SWT1: variants seen among roughly 807,000 people sequenced by gnomAD.
The protein encoded by SWT1 is transcriptional protein SWT1.
In SWT1, 33 loss-of-function variants were observed where a neutral mutation model predicts 107.3. That is an observed-to-expected ratio of 0.31 (90% confidence interval 0.23 to 0.41). SWT1 has a LOEUF of 0.41. Ranked by LOEUF, SWT1 falls within the 10% of genes least tolerant of loss-of-function variation. SWT1 has a pLI of 1.00. For synonymous variants in SWT1, 345 were observed against 348.3 expected (o/e 0.99, Z 0.11); for missense variants, 898 against 1,028.9 (o/e 0.87, Z 1.74).
chr1:185,209,236 T>C (rs1658575372), intron 13 of SWT1, among the ~76,000 whole-genome samples: 1 of 152,038 alleles, frequency 6.6e-6, no homozygotes, highest in African/African-American at 2.4e-5. Context: ...ATTTATTTAT[T>C]TATTATTATA....
intron 15 of SWT1, among the ~76,000 whole-genome samples, chr1:185,230,795 T>G (rs958464492): frequency 2.0e-5 from 3 of 152,130 alleles, no homozygotes; most frequent in Non-Finnish European, 2.9e-5. Flanking sequence ...TTGCCCAGGC[T>G]GGAATGCAGT....
At chr1:185,223,032 A>G (rs1460052435) in intron 15 of SWT1, among the ~76,000 whole-genome samples, 3 of 152,152 alleles carry the variant, frequency 2.0e-5, no homozygotes, top group Non-Finnish European at 4.4e-5. Flanking sequence ...CATCTCTTTG[A>G]CATACTCATT....
intron 15 of SWT1, among the ~76,000 whole-genome samples, chr1:185,227,983 C>T (rs2102554342): frequency 1.3e-5 from 2 of 151,614 alleles, no homozygotes; most frequent in Middle Eastern, 6.8e-3. Context: ...CCCAGCTACT[C>T]AGGAGGCTGA....
At chr1:185,159,646 G>A (rs1653966372) in intron 1 of SWT1, among the ~76,000 whole-genome samples, 2 of 152,108 alleles carry the variant, frequency 1.3e-5, no homozygotes, top group Admixed American at 6.5e-5. Context: ...ATACAAGCAA[G>A]TATGTATGTA....
chr1:185,169,978 A>T (rs1219145751), intron 4 of SWT1, among the ~76,000 whole-genome samples: 2 of 152,182 alleles, frequency 1.3e-5, no homozygotes, highest in Admixed American at 6.5e-5. Context: ...GAGAAGAAAT[A>T]TGCAAGCAAT....
chr1:185,174,651 A>G lies in SWT1; in HGVS notation c.504A>G (p.Ala168=). Residue 168 remains alanine, a synonymous_variant, in exon 5 of 19, where the codon GCA becomes GCG. Transcript: ENST00000367500. ...SDVKPKAEGQ[A]SENKWSHLLV... ...TGAAACCTAAAGCCGAAGGCCAGGCAAGTGAAAATAAATGGTCTCATTTAC... is the reference window on the plus strand; with the variant it reads ...TGAAACCTAAAGCCGAAGGCCAGGCGAGTGAAAATAAATGGTCTCATTTAC... 6.2e-7 allele frequency: 1 copy of G among 1,613,786 alleles called. No homozygotes were observed. Among genetic ancestry groups the G allele is most frequent in the Middle Eastern group, 1.7e-4 (1 of 6,058 alleles).
intron 16 of SWT1, among the ~76,000 whole-genome samples, chr1:185,243,005 G>A (rs1365104817): frequency 6.6e-6 from 1 of 152,150 alleles, no homozygotes; most frequent in Non-Finnish European, 1.5e-5. Context: ...GTAAGTATAT[G>A]GGATAAAGCC....
chr1:185,244,408 G>A (rs1220076752), intron 16 of SWT1, among the ~76,000 whole-genome samples: 2 of 152,104 alleles, frequency 1.3e-5, no homozygotes, highest in African/African-American at 4.8e-5. Flanking sequence ...ACTACAGGGA[G>A]TTGTAACACA....
At chr1:185,275,696 A>G (rs1415813485) in intron 17 of SWT1, among the ~76,000 whole-genome samples, 2 of 151,996 alleles carry the variant, frequency 1.3e-5, no homozygotes, top group African/African-American at 2.4e-5. Flanking sequence ...AAAAAACTGT[A>G]TATTTTTAAA....
At chr1:185,258,185 G>T (rs762440785) in intron 16 of SWT1, among the ~76,000 whole-genome samples, 78 of 151,954 alleles carry the variant, frequency 5.1e-4, no homozygotes, top group Non-Finnish European at 8.8e-4. Flanking sequence ...CGTAATAAAT[G>T]TGTACTTGAT....
intron 6 of SWT1, among the ~76,000 whole-genome samples, chr1:185,181,673 A>G (rs988019179): frequency 2.6e-5 from 4 of 152,230 alleles, no homozygotes; most frequent in African/African-American, 9.7e-5. Flanking sequence ...GGAAATAGAT[A>G]TTAAAGATTC....
chr1:185,224,476 G>A (rs1659904342), intron 15 of SWT1, among the ~76,000 whole-genome samples: 1 of 151,652 alleles, frequency 6.6e-6, no homozygotes, highest in East Asian at 1.9e-4. Context: ...TTCAAATTTG[G>A]CATGTGAAAT....
chr1:185,204,640 T>G, intron 11 of SWT1, 60 bp from the exon 12 acceptor site: 3 of 871,084 alleles, frequency 3.4e-6, no homozygotes, highest in Non-Finnish European at 5.2e-6. Flanking sequence ...ATATACTAAT[T>G]ATATGTATAA....
chr1:185,257,529 G>A (rs1662672160), intron 16 of SWT1, among the ~76,000 whole-genome samples: 1 of 152,228 alleles, frequency 6.6e-6, no homozygotes, highest in Admixed American at 6.5e-5. Context: ...ATTCGGGTGG[G>A]AGTGACCCGA....
At chr1:185,175,172 A>C in intron 5 of SWT1, 59 bp downstream of exon 5, 5 of 1,222,354 alleles carry the variant, frequency 4.1e-6, no homozygotes, top group Non-Finnish European at 5.4e-6. Flanking sequence ...AATATAGTTA[A>C]GTTTTTTCTG....
chr1:185,189,849 A>G (rs1045381237), intron 9 of SWT1, among the ~76,000 whole-genome samples: 2 of 149,762 alleles, frequency 1.3e-5, no homozygotes, highest in Non-Finnish European at 3.0e-5. Context: ...ATAAATACAT[A>G]TATACTTTTT....
intron 16 of SWT1, among the ~76,000 whole-genome samples, chr1:185,268,753 C>T (rs1324642666): frequency 6.6e-6 from 1 of 152,064 alleles, no homozygotes; most frequent in African/African-American, 2.4e-5. Flanking sequence ...CTGATTTTCT[C>T]GCCCTCTTTT....
intron 2 of SWT1, among the ~76,000 whole-genome samples, chr1:185,161,375 C>G (rs1654131396): frequency 6.6e-6 from 1 of 152,128 alleles, no homozygotes; most frequent in South Asian, 2.1e-4. Flanking sequence ...GACATACTTA[C>G]CATGTCTTTC....
In SWT1 at chr1:185,252,655, T is replaced by G. The variant is rs551139642; in HGVS notation, c.2442-18668T>G. 1.6e-3 allele frequency among the ~76,000 whole-genome samples: 244 copies of G among 152,312 alleles called. 1 individual carries two copies. The Middle Eastern group carries it at 0.024, about 15-fold the overall frequency. On this transcript the variant is annotated intron_variant, in intron 16 of 18. Transcript: ENST00000367500. ...TTTGTTTTTTTCTTGTAAATTTGCT[T>G]GAGTTCATTGTAGATTCTGGATATT...
Sources: allele counts gnomAD v4.1 joint callset (sites outside exome capture counted in the v4.1 genomes callset), GRCh38; gene constraint gnomAD v4.1.1; transcripts MANE v1.5; gene names NCBI Gene and HGNC (gene_info 2026-07-23, HGNC 2026-07-21).